FAM24B: variants seen among roughly 807,000 people sequenced by gnomAD.
FAM24B encodes the protein protein FAM24B.
In FAM24B, 3 loss-of-function variants were observed where a neutral mutation model predicts 2.3. The observed-to-expected ratio is 1.29, with a 90% CI of 0.59 to 3.32. The LOEUF is 3.32. Among genes scored for constraint, FAM24B ranks in the 30% most tolerant of loss-of-function variants. The pLI is 0.03. For synonymous variants in FAM24B, 36 were observed against 46.3 expected (o/e 0.78, Z 0.90); for missense variants, 98 against 117.2 (o/e 0.84, Z 0.76).
chr10:122,851,666 A>G (rs893664624), intron 2 of FAM24B, among the ~76,000 whole-genome samples: 1 of 152,208 alleles, frequency 6.6e-6, no homozygotes, highest in Admixed American at 6.5e-5. Flanking sequence ...ATTCCCAGAG[A>G]TGCTATGTTA....
intron 1 of FAM24B, among the ~76,000 whole-genome samples, chr10:122,862,911 G>A (rs1262930999): frequency 6.6e-6 from 1 of 151,924 alleles, no homozygotes; most frequent in Non-Finnish European, 1.5e-5. Flanking sequence ...CTCACTGTGT[G>A]GCCAACTCTT....
At chr10:122,850,731 A>C (rs1847519667) in intron 2 of FAM24B, 181 bp from the exon 3 acceptor site, 1 of 506,780 alleles carries the variant, frequency 2.0e-6, no homozygotes, top group Admixed American at 3.3e-5. Flanking sequence ...GATGGAAAAA[A>C]AGAAATAAAA....
intron 1 of FAM24B, among the ~76,000 whole-genome samples, chr10:122,859,057 C>G (rs984475666): frequency 2.0e-5 from 3 of 152,178 alleles, no homozygotes; most frequent in Non-Finnish European, 4.4e-5. Context: ...CTCTCTGCAT[C>G]TTTTGGATGG....
At chr10:122,869,953 A>G (rs992892885) in intron 1 of FAM24B, among the ~76,000 whole-genome samples, 2 of 152,242 alleles carry the variant, frequency 1.3e-5, no homozygotes, top group East Asian at 3.8e-4. Flanking sequence ...ACTGAAGGAA[A>G]TAGAGACACA....
chr10:122,875,061 T>G (rs1211913561), intron 1 of FAM24B, among the ~76,000 whole-genome samples: 1 of 152,222 alleles, frequency 6.6e-6, no homozygotes, highest in Non-Finnish European at 1.5e-5. Flanking sequence ...TTTCTTCTAC[T>G]TCTGGTATTA....
intron 1 of FAM24B, among the ~76,000 whole-genome samples, chr10:122,877,932 A>G (rs1386618340): frequency 6.6e-6 from 1 of 152,210 alleles, no homozygotes; most frequent in Non-Finnish European, 1.5e-5. Flanking sequence ...CTCAATCTCT[A>G]CTAGGCACAA....
chr10:122,866,928 C>T (rs1180616500), intron 1 of FAM24B, among the ~76,000 whole-genome samples: 2 of 152,250 alleles, frequency 1.3e-5, no homozygotes, highest in Non-Finnish European at 2.9e-5. Context: ...GTGAGTAAGG[C>T]ATGTTGAAAA....
At chr10:122,850,029 G>A (rs1157304379) in intron 3 of FAM24B, among the ~76,000 whole-genome samples, 9 of 152,224 alleles carry the variant, frequency 5.9e-5, no homozygotes, top group African/African-American at 2.2e-4. Context: ...CTCCACATGA[G>A]CACAAGGCAG....
chr10:122,858,675 AGTTCTAGGAACTGGG>A (rs1213088135), intron 1 of FAM24B, among the ~76,000 whole-genome samples: 1 of 152,098 alleles, frequency 6.6e-6, no homozygotes, highest in East Asian at 1.9e-4. Flanking sequence ...GAAGCAGGAA[AGTTCTAGGAACTGGG>A]GAAAGACCAC....
At chr10:122,859,105 T>TA (rs1381684782) in intron 1 of FAM24B, among the ~76,000 whole-genome samples, 1 of 152,198 alleles carries the variant, frequency 6.6e-6, no homozygotes. Context: ...AAGAACTGAC[T>TA]GATTCTACTG....
chr10:122,850,889 G>A (rs561083861), intron 2 of FAM24B: 2 of 220,208 alleles, frequency 9.1e-6, no homozygotes, highest in Non-Finnish European at 1.8e-5. Context: ...AGCTGATGGC[G>A]TCACTCCCCA....
At chr10:122,878,735 G>A (rs1030391613) in intron 1 of FAM24B, among the ~76,000 whole-genome samples, 1 of 151,374 alleles carries the variant, frequency 6.6e-6, no homozygotes, top group African/African-American at 2.4e-5. Context: ...GAAAGACAGG[G>A]AAGTTTTTCT....
chr10:122,870,966 C>T (rs1197322295), intron 1 of FAM24B, among the ~76,000 whole-genome samples: 2 of 152,076 alleles, frequency 1.3e-5, no homozygotes, highest in Non-Finnish European at 1.5e-5. Context: ...AAATAAAGGG[C>T]ATTCAATTAG....
At chr10:122,872,489 A>G (rs1272780942) in intron 1 of FAM24B, among the ~76,000 whole-genome samples, 2 of 152,256 alleles carry the variant, frequency 1.3e-5, no homozygotes, top group East Asian at 1.9e-4. Flanking sequence ...ATGCACACAT[A>G]TATTTATTGT....
intron 1 of FAM24B, among the ~76,000 whole-genome samples, chr10:122,872,882 C>G (rs907730659): frequency 6.6e-6 from 1 of 151,952 alleles, no homozygotes; most frequent in African/African-American, 2.4e-5. Flanking sequence ...CACATGTATA[C>G]GTATGTAACA....
chr10:122,874,885 ATTC>A (rs1332521626), intron 1 of FAM24B, among the ~76,000 whole-genome samples: 2 of 152,166 alleles, frequency 1.3e-5, no homozygotes, highest in African/African-American at 4.8e-5. Flanking sequence ...GCCCAAGACA[ATTC>A]TTCTTTTCCC....
At chr10:122,868,768 G>T (rs1219095655) in intron 1 of FAM24B, among the ~76,000 whole-genome samples, 2 of 152,174 alleles carry the variant, frequency 1.3e-5, no homozygotes, top group Non-Finnish European at 2.9e-5. Context: ...TGCCCTAAAA[G>T]ACCTCCTGAA....
chr10:122,870,689 A>G (rs1430789828), intron 1 of FAM24B, among the ~76,000 whole-genome samples: 1 of 152,240 alleles, frequency 6.6e-6, no homozygotes, highest in Non-Finnish European at 1.5e-5. Flanking sequence ...CAAAAACCAC[A>G]AGATTATCTC....
chr10:122,871,985 G>T (rs184280592), intron 1 of FAM24B, among the ~76,000 whole-genome samples: 1 of 152,006 alleles, frequency 6.6e-6, no homozygotes, highest in Non-Finnish European at 1.5e-5. Flanking sequence ...AGAAACCACC[G>T]TCAGAGTGAA....
Sources: gnomAD v4.1 joint callset for allele counts (sites outside exome capture counted in the v4.1 genomes callset) on GRCh38, gnomAD v4.1.1 for gene constraint, MANE v1.5 for transcripts, NCBI Gene and HGNC (gene_info 2026-07-23, HGNC 2026-07-21) for gene names.